Variants in MIB1 observed in about 807,000 individuals in gnomAD.
The protein encoded by MIB1 is E3 ubiquitin-protein ligase MIB1.
A neutral mutation model predicts 124.5 loss-of-function variants in MIB1; 278 were observed. The ratio of observed to expected loss-of-function variants is 2.23; its 90% CI spans 2.02 to 2.47. The LOEUF is 2.47. Among genes scored for constraint, MIB1 ranks in the 30% most tolerant of loss-of-function variants. MIB1 has a pLI of 0.00. For synonymous variants in MIB1, 446 were observed against 429.4 expected, an observed-to-expected ratio of 1.04 and a Z score of -0.48; for missense variants, 957 against 1,254.4, an observed-to-expected ratio of 0.76 and a Z score of 3.58.
intron 1 of MIB1, among the ~76,000 whole-genome samples, chr18:21,762,160 C>T (rs558068094): frequency 6.6e-6 from 1 of 152,138 alleles, no homozygotes; most frequent in South Asian, 2.1e-4. Flanking sequence ...TCAAGAAAGC[C>T]AGTCAGATAC....
At chr18:21,858,711 C>G (rs968834511) in intron 20 of MIB1, 65 bp downstream of exon 20, 11 of 817,564 alleles carry the variant, frequency 1.3e-5, no homozygotes, top group Non-Finnish European at 2.1e-5. Flanking sequence ...CGTAAAACTA[C>G]TAGTGTTTCT....
At chr18:21,790,932 G>A (rs1007270834) in intron 6 of MIB1, among the ~76,000 whole-genome samples, 1 of 152,058 alleles carries the variant, frequency 6.6e-6, no homozygotes, top group Admixed American at 6.5e-5. Context: ...GTGCTGGGGC[G>A]GTGGTTCACA....
Position 21,709,099 on chromosome 18 carries a change from G to A in MIB1, n.167+3976G>A, listed in dbSNP as rs1021321401. Among the ~76,000 whole-genome samples, 8 of 152,150 alleles carry A rather than the reference G, an allele frequency of 5.3e-5. No individual in the cohort carries two copies. In the East Asian group the frequency reaches 5.8e-4, roughly 11 times the overall value. On this transcript the variant is annotated intron_variant and non_coding_transcript_variant, in intron 1 of 20. Coordinates refer to the MIB1 transcript ENST00000578646. ...TGGGAGGCCGAGGCGGGCGGATCAC[G>A]AGGTCAGGAGATCGAGACAATCCTG...
chr18:21,789,873 G>C (rs2041482321), intron 6 of MIB1, among the ~76,000 whole-genome samples: 1 of 152,116 alleles, frequency 6.6e-6, no homozygotes, highest in South Asian at 2.1e-4. Context: ...AAGGAGAAGA[G>C]GATATAATAT....
In MIB1 at chr18:21,798,121, C is replaced by A; in HGVS notation, c.1130C>A (p.Ser377Ter). 6.2e-7 allele frequency: 1 copy of A among 1,613,166 alleles called. No homozygotes were observed. Among genetic ancestry groups the A allele is most frequent in the Non-Finnish European group, 8.5e-7 (1 of 1,179,330 alleles). ...GKVGRVQQIY[S>*]DSDLKVEVCG... is the part of the protein sequence containing the mutation. ...GTTGGCCGAGTACAACAGATTTATT[C>A]AGACAGTGATTTAAAGGTGGAAGTT... Residue 377 changes from serine (S) to a stop codon, truncating the protein, a stop_gained, in exon 8 of 21, where the codon TCA (serine) becomes TAA (stop). Coordinates refer to ENST00000261537, the MANE Select transcript of MIB1 (RefSeq NM_020774.4). LOFTEE classifies it high-confidence loss of function.
At chr18:21,805,516 T>C (rs909882777) in intron 10 of MIB1, among the ~76,000 whole-genome samples, 2 of 152,182 alleles carry the variant, frequency 1.3e-5, no homozygotes, top group African/African-American at 2.4e-5. Context: ...TTTAGTGTTT[T>C]GTATATAGAA....
intron 1 of MIB1, among the ~76,000 whole-genome samples, chr18:21,745,796 C>A (rs1312244726): frequency 6.6e-6 from 1 of 151,918 alleles, no homozygotes; most frequent in Non-Finnish European, 1.5e-5. Context: ...AACCTCCGTC[C>A]CCCAGGTTCA....
chr18:21,811,072 C>T (rs2041768117), intron 10 of MIB1, among the ~76,000 whole-genome samples: 1 of 152,070 alleles, frequency 6.6e-6, no homozygotes, highest in Admixed American at 6.6e-5. Flanking sequence ...CTTGAATAAA[C>T]ATTTCTGCAA....
intron 17 of MIB1, among the ~76,000 whole-genome samples, chr18:21,851,646 T>G (rs1327774725): frequency 6.6e-6 from 1 of 152,186 alleles, no homozygotes; most frequent in African/African-American, 2.4e-5. Flanking sequence ...AGGAAATTAA[T>G]TGAATTAACA....
At chr18:21,817,723 A>C (rs1238403405) in intron 11 of MIB1, 2 of 425,942 alleles carry the variant, frequency 4.7e-6, no homozygotes, top group African/African-American at 4.1e-5. Flanking sequence ...CCCTTTCCTC[A>C]GTGTTGGAGA....
intron 20 of MIB1, among the ~76,000 whole-genome samples, chr18:21,861,471 G>A (rs898934368): frequency 1.3e-5 from 2 of 151,656 alleles, no homozygotes; most frequent in African/African-American, 4.8e-5. Flanking sequence ...AACCCTATAT[G>A]GATCCTAAAA....
At chr18:21,850,883 C>T (rs1440806175) in intron 17 of MIB1, among the ~76,000 whole-genome samples, 6 of 152,098 alleles carry the variant, frequency 3.9e-5, no homozygotes, top group Non-Finnish European at 7.4e-5. Context: ...TTAGATTGAT[C>T]TGTGTATTCT....
At chr18:21,848,314 G>T (rs1015626983) in intron 16 of MIB1, among the ~76,000 whole-genome samples, 1 of 151,928 alleles carries the variant, frequency 6.6e-6, no homozygotes, top group Non-Finnish European at 1.5e-5. Flanking sequence ...AAACTAGCTG[G>T]GCGCATGCCT....
intron 11 of MIB1, among the ~76,000 whole-genome samples, chr18:21,818,028 G>A (rs968665221): frequency 2.0e-5 from 3 of 152,124 alleles, no homozygotes; most frequent in African/African-American, 7.2e-5. Context: ...ATTGATTAAT[G>A]TAAAAAGTAG....
chr18:21,862,247 A>G (rs2042283331), intron 20 of MIB1, among the ~76,000 whole-genome samples: 1 of 152,150 alleles, frequency 6.6e-6, no homozygotes, highest in Admixed American at 6.5e-5. Context: ...TTGCTTCTCA[A>G]AACTTTAAGA....
intron 10 of MIB1, among the ~76,000 whole-genome samples, chr18:21,810,964 A>C (rs906216961): frequency 2.6e-5 from 4 of 152,112 alleles, no homozygotes; most frequent in African/African-American, 9.7e-5. Context: ...AATGGGAGAA[A>C]ATATTTTCAA....
chr18:21,755,693 T>C (rs554093176), intron 1 of MIB1, among the ~76,000 whole-genome samples: 1 of 152,354 alleles, frequency 6.6e-6, no homozygotes, highest in East Asian at 1.9e-4. Flanking sequence ...GGAGATAATG[T>C]CATAAGAAAT....
chr18:21,726,508 C>T (rs1407442591), intron 1 of MIB1, among the ~76,000 whole-genome samples: 2 of 152,160 alleles, frequency 1.3e-5, no homozygotes, highest in Non-Finnish European at 2.9e-5. Context: ...TCTGCCTTGT[C>T]TCCTCTTTGA....
At chr18:21,798,035 A>G (rs1424579348) in intron 7 of MIB1, 49 bp from the exon 8 acceptor site, 1 of 1,571,396 alleles carries the variant, frequency 6.4e-7, no homozygotes, top group African/African-American at 1.4e-5. Flanking sequence ...GATTGACTTT[A>G]TGGTATATAC....
Sources: gnomAD v4.1 joint callset for allele counts (sites outside exome capture counted in the v4.1 genomes callset) on GRCh38, gnomAD v4.1.1 for gene constraint, MANE v1.5 for transcripts, NCBI Gene and HGNC (gene_info 2026-07-23, HGNC 2026-07-21) for gene names.